Variants in ASIC4 observed in about 807,000 individuals in gnomAD.
ASIC4 encodes acid sensing ion channel subunit family member 4.
ASIC4 carries 28 observed loss-of-function variants against 53.4 expected under a neutral mutation model. The observed-to-expected ratio is 0.52, with a 90% confidence interval of 0.39 to 0.72. ASIC4 has a LOEUF of 0.72. Among genes scored for constraint, ASIC4 ranks in the 30% least tolerant of loss-of-function variants. ASIC4 has a pLI of 0.00. For missense variants in ASIC4, 649 were observed against 729.7 expected, an observed-to-expected ratio of 0.89 and a Z score of 1.27; for synonymous variants, 289 against 301.4, an observed-to-expected ratio of 0.96 and a Z score of 0.43.
At position 219,538,311 on chromosome 2, in the gene ASIC4, G is replaced by A; in HGVS notation, c.*265G>A. On this transcript the variant is annotated 3_prime_UTR_variant, in exon 10 of 10. Transcript: ENST00000358078. The stretch of plus-strand genomic sequence containing the variant: ...ACGGAGAGGAAGGGAAGGAAGGAGA[G>A]GGAGGGGGAGGATAGAGCCCATCCC... 2.1e-6 allele frequency: 1 copy of A among 486,416 alleles called. No homozygotes were observed. The highest frequency in any genetic ancestry group is 2.4e-5 in the South Asian group (1 of 41,032). The allele number at this position is 486,416 out of a possible 1,614,324, so 30.1% of individuals were successfully genotyped here.
Position 219,534,925 on chromosome 2 carries a change from C to CG in ASIC4, c.1076-246_1076-245insG, listed in dbSNP as rs397987889. Among the ~76,000 whole-genome samples, 686 of 152,260 alleles carry CG rather than the reference C, an allele frequency of 4.5e-3. 5 individuals carry two copies. Among genetic ancestry groups the CG allele is most frequent in the Middle Eastern group, 0.014 (4 of 292 alleles). On this transcript the variant is annotated intron_variant, in intron 5 of 9. Transcript: ENST00000358078. ...CCTCTGGGCCACGAGGACCCCCCCC[C>CG]AGTCCCAGGGGGTTGGGAGGGTGCT...
the ASIC4 span, among the ~76,000 whole-genome samples, chr2:219,508,134 A>G: frequency 6.6e-6 from 1 of 151,860 alleles, no homozygotes; most frequent in Admixed American, 6.5e-5. Flanking sequence ...ATCTCTCTTC[A>G]TGGGAGTGGG....
upstream of ASIC4, among the ~76,000 whole-genome samples, chr2:219,513,108 T>G (rs1280676677): frequency 6.6e-6 from 1 of 152,194 alleles, no homozygotes; most frequent in African/African-American, 2.4e-5. Flanking sequence ...GCCGTTTCCC[T>G]CAGATCGATT....
At chr2:219,533,502 A>AG (rs1420662135) in intron 5 of ASIC4, 2 of 165,130 alleles carry the variant, frequency 1.2e-5, no homozygotes, top group African/African-American at 4.8e-5. Context: ...ACTCCTGGAG[A>AG]GGGGAGCCTC....
chr2:219,516,324 C>T lies in ASIC4; in HGVS notation c.582+1018C>T, dbSNP rs992211220. ...CTGCTCCCCATTTGGAGACTGCTGG[C>T]GCCATCTGTCACCTACGTGTGAGCA... On this transcript the variant is annotated intron_variant, in intron 1 of 9. Coordinates refer to ENST00000358078, the MANE Select transcript of ASIC4 (RefSeq NM_018674.6). The surrounding 1 kb of genome is among the most constrained non-coding windows in gnomAD (Gnocchi z 4.9). Among the ~76,000 whole-genome samples, 5 of 152,278 alleles carry T rather than the reference C, an allele frequency of 3.3e-5. No homozygotes were observed. The highest frequency in any genetic ancestry group is 2.1e-4 in the South Asian group (1 of 4,826).
At chr2:219,519,745 A>G (rs1694856851) in intron 1 of ASIC4, among the ~76,000 whole-genome samples, 1 of 152,170 alleles carries the variant, frequency 6.6e-6, no homozygotes, top group Admixed American at 6.5e-5. Context: ...GGCCCTAGGA[A>G]TGAGATTGTC....
chr2:219,514,573 CG>C lies in ASIC4; in HGVS notation c.-149del. 1 of 1,576,912 alleles carries C rather than the reference CG, an allele frequency of 6.3e-7. No individual in the cohort carries two copies. On this transcript the variant is annotated 5_prime_UTR_variant, in exon 1 of 10. Transcript: ENST00000358078. The stretch of plus-strand genomic sequence containing the variant: ...GGGAGTGGGAGTGACTCCCCCACCT[CG>C]GGCCCCCACCCTGTCCCTGTCCTCT...
intron 1 of ASIC4, among the ~76,000 whole-genome samples, chr2:219,528,462 A>G (rs1207076076): frequency 1.3e-5 from 2 of 151,656 alleles, no homozygotes; most frequent in African/African-American, 4.9e-5. Context: ...TGACCTTGTG[A>G]TCTGCCCTCC....
chr2:219,536,426 A>G lies in ASIC4; in HGVS notation c.1230-640A>G, dbSNP rs931568218. Among the ~76,000 whole-genome samples, 5 of 152,144 alleles carry G rather than the reference A, an allele frequency of 3.3e-5. No homozygotes were observed. The highest frequency in any genetic ancestry group is 3.3e-4 in the Admixed American group (5 of 15,278). On this transcript the variant is annotated intron_variant, in intron 6 of 9. Transcript: ENST00000358078. This position sits in a 1 kb window ranked among gnomAD's most constrained non-coding sequence, Gnocchi z 4.6. ...GGTTCTGTGGGGACAGATGATTATG[A>G]CACAAAACTCATGCCACAATTTGTC... is the stretch of plus-strand genomic sequence containing the variant.
intron 1 of ASIC4, among the ~76,000 whole-genome samples, chr2:219,522,649 C>T (rs1175872243): frequency 2.0e-5 from 3 of 151,940 alleles, no homozygotes; most frequent in African/African-American, 7.3e-5. Flanking sequence ...GTGCCCCCGG[C>T]CCCGGGCCTT....
intron 1 of ASIC4, among the ~76,000 whole-genome samples, chr2:219,519,276 C>T (rs538740998): frequency 6.6e-6 from 1 of 152,338 alleles, no homozygotes; most frequent in South Asian, 2.1e-4. Context: ...GCACACACAT[C>T]GTATACTCTG....
At chr2:219,508,195 G>C in the ASIC4 span, among the ~76,000 whole-genome samples, 2 of 152,180 alleles carry the variant, frequency 1.3e-5, no homozygotes, top group African/African-American at 4.8e-5. Flanking sequence ...CCAAGGAAGG[G>C]GCTGGGAGAG....
upstream of ASIC4, among the ~76,000 whole-genome samples, chr2:219,511,283 G>C (rs1228539332): frequency 6.6e-6 from 1 of 152,066 alleles, no homozygotes; most frequent in Non-Finnish European, 1.5e-5. The surrounding 1 kb of genome is among the most constrained non-coding windows in gnomAD (Gnocchi z 5.3). Context: ...GAGGTCTCTG[G>C]GTCTGCCTTT....
intron 1 of ASIC4, among the ~76,000 whole-genome samples, chr2:219,521,643 G>C (rs1406882694): frequency 6.6e-6 from 1 of 151,798 alleles, no homozygotes; most frequent in East Asian, 1.9e-4. Context: ...GGGAGTGAAG[G>C]GGGTGGAGCC....
chr2:219,534,920 C>G (rs541693054), intron 5 of ASIC4, among the ~76,000 whole-genome samples: 1 of 152,090 alleles, frequency 6.6e-6, no homozygotes, highest in South Asian at 2.1e-4. Context: ...ACGAGGACCC[C>G]CCCCCAGTCC....
intron 1 of ASIC4, among the ~76,000 whole-genome samples, chr2:219,520,667 C>A (rs1574488840): frequency 6.6e-6 from 1 of 152,218 alleles, no homozygotes; most frequent in African/African-American, 2.4e-5. Context: ...AGGCTTGCCT[C>A]TGACTCCCCC....
In ASIC4 at chr2:219,515,007, C is replaced by T. The variant is rs202143794; in HGVS notation, c.283C>T (p.Arg95Trp). The change falls in exon 1 of 10, where the codon CGG (arginine) becomes TGG (tryptophan). Residue 95 changes from arginine to tryptophan, a missense_variant. By Grantham distance (101) the Arg-to-Trp change is moderately radical. Coordinates refer to ENST00000358078, the MANE Select transcript of ASIC4 (RefSeq NM_018674.6). ...AAGLARGYLT[R>W]PHLVAMDPAA... ...TGGCCTGGCCCGGGGCTACCTGACC[C>T]GGCCTCACCTGGTGGCAATGGACCC... The T allele has an allele frequency of 5.4e-5, 87 of 1,613,292 alleles. 1 individual carries two copies. Among genetic ancestry groups the T allele is most frequent in the East Asian group, 3.8e-4 (17 of 44,860 alleles).
chr2:219,514,487 G>T lies in ASIC4; in HGVS notation c.-238G>T, dbSNP rs1694746801. 1.9e-6 allele frequency: 3 copies of T among 1,550,810 alleles called. No individual in the cohort carries two copies. In the East Asian group the frequency reaches 7.3e-5, roughly 38 times the overall value. ...GAAGCCACAAGGAGACGATCGAGGA[G>T]AGAGACAAGCGGCAGCAGAGGCAGC... is the stretch of plus-strand genomic sequence containing the variant. On this transcript the variant is annotated 5_prime_UTR_variant, in exon 1 of 10. Transcript: ENST00000358078.
chr2:219,514,303 CAT>C, upstream of ASIC4: 1 of 1,497,268 alleles, frequency 6.7e-7, no homozygotes, highest in South Asian at 1.3e-5. Context: ...ACGCTGTTGA[CAT>C]GTCCTGAATT....
Sources: allele counts gnomAD v4.1 joint callset (sites outside exome capture counted in the v4.1 genomes callset), GRCh38; gene constraint gnomAD v4.1.1; non-coding constraint Gnocchi (gnomAD v3.1); transcripts MANE v1.5; gene names NCBI Gene and HGNC (gene_info 2026-07-23, HGNC 2026-07-21).